Variants in CFAP74 observed in about 807,000 individuals in gnomAD.
The protein encoded by CFAP74 is cilia- and flagella-associated protein 74.
Under a neutral mutation model 188.9 loss-of-function variants are expected in CFAP74, and 124 were observed. The observed-to-expected ratio is 0.66, with a 90% CI of 0.57 to 0.76. The LOEUF (loss-of-function observed/expected upper bound fraction) is 0.76. Among genes scored for constraint, CFAP74 ranks in the 30% least tolerant of loss-of-function variants. The probability of loss-of-function intolerance (pLI) is 0.00; values close to 1 mark genes in which losing one functional copy is unlikely to be tolerated. For missense variants in CFAP74, 2,198 were observed against 2,165.2 expected (o/e 1.02, Z -0.30); for synonymous variants, 956 against 916.7 (o/e 1.04, Z -0.77).
chr1:1,930,327 C>A lies in CFAP74; in HGVS notation c.3021G>T (p.Lys1007Asn), dbSNP rs1427879021. The A allele has an allele frequency of 1.9e-5, 29 of 1,521,384 alleles. No individual in the cohort carries two copies. Among genetic ancestry groups the A allele is most frequent in the Non-Finnish European group, 2.5e-5 (28 of 1,135,868 alleles). 94.2% of individuals were successfully genotyped at this position (1,521,384 alleles called of 1,614,324 possible). Residue 1007 changes from lysine (K) to asparagine (N), a missense_variant, in exon 26 of 39, where the codon AAG becomes AAT. By Grantham distance (94) the Lys-to-Asn change is moderately conservative (BLOSUM62 0). Transcript: ENST00000682832. ...TCKSEINRCF[K>N]LSCRAVGVHP... ...GGACGCCTACAGCCCGGCAAGACAGCTTGAAGCACCTGCAAGCAGCAGCAT... is the reference window on the plus strand; with the variant it reads ...GGACGCCTACAGCCCGGCAAGACAGATTGAAGCACCTGCAAGCAGCAGCAT...
intron 26 of CFAP74, among the ~76,000 whole-genome samples, chr1:1,929,702 C>T (rs902353915): frequency 1.3e-5 from 2 of 151,822 alleles, no homozygotes; most frequent in African/African-American, 4.8e-5. Context: ...CCTTGTCCTC[C>T]CAGTCGGCCT....
In CFAP74 at chr1:1,922,462, G is replaced by A. The variant is rs1021713311; in HGVS notation, c.4819-74C>T. On this transcript the variant is annotated intron_variant, in intron 38 of 38. Transcript: ENST00000682832. ...AGAGGAGATCTGCTGTCTTCCCACT[G>A]CCCTGCCCACCTGACTCCCTTGGGT... 46 of 1,540,442 alleles carry A rather than the reference G, an allele frequency of 3.0e-5. No individual in the cohort carries two copies. The Admixed American group carries it at 8.9e-4, about 30-fold the overall frequency.
At chr1:1,994,132 G>C (rs965305929) in intron 1 of CFAP74, among the ~76,000 whole-genome samples, 11 of 148,326 alleles carry the variant, frequency 7.4e-5, no homozygotes, top group Non-Finnish European at 1.2e-4. Context: ...GCCACTGCAG[G>C]CCAGCCTGGG....
intron 18 of CFAP74, among the ~76,000 whole-genome samples, chr1:1,950,038 T>C (rs369493613): frequency 3.9e-5 from 6 of 152,254 alleles, no homozygotes; most frequent in African/African-American, 1.4e-4. Context: ...TACCTAGGAG[T>C]GGCCTTGGTG....
In CFAP74 at chr1:1,922,727, T is replaced by C. The variant is rs752028738; in HGVS notation, c.4684-4A>G. The stretch of plus-strand genomic sequence containing the variant: ...TGTCTATGCTGAACTCAACGGTCTG[T>C]GGGGTATGGGGCTCCTGTAGGCTGG... On this transcript the variant is annotated splice_region_variant and splice_polypyrimidine_tract_variant and intron_variant, in intron 37 of 38. Transcript: ENST00000682832. 2.5e-6 allele frequency: 4 copies of C among 1,601,738 alleles called. No homozygotes were observed.
intron 1 of CFAP74, among the ~76,000 whole-genome samples, chr1:1,993,223 C>T (rs1446551893): frequency 7.0e-6 from 1 of 142,044 alleles, no homozygotes; most frequent in Admixed American, 7.1e-5. Context: ...AAAAAAGAAA[C>T]AATGTTAAAA....
intron 16 of CFAP74, 88 bp downstream of exon 16, chr1:1,959,032 G>C: frequency 5.7e-6 from 5 of 874,070 alleles, no homozygotes; most frequent in South Asian, 1.5e-5. Context: ...CCGCCAACCT[G>C]CACCCCCTCC....
rs780685836 is a variant in CFAP74, at chr1:1,923,520, G to A, written c.4390-21C>T. The A allele has an allele frequency of 2.5e-6, 4 of 1,599,092 alleles. No homozygotes were observed. Among genetic ancestry groups the A allele is most frequent in the Non-Finnish European group, 3.4e-6 (4 of 1,169,208 alleles). Reference sequence around the variant, plus strand: ...ATTTTCTGGGGACAAGAAGTGGAGTGGCCTTGTCCCCGAAGCTCGGCGGCA... The same window carrying A: ...ATTTTCTGGGGACAAGAAGTGGAGTAGCCTTGTCCCCGAAGCTCGGCGGCA... On this transcript the variant is annotated intron_variant, in intron 35 of 38. Transcript: ENST00000682832. The surrounding 1 kb of genome is among the most constrained non-coding windows in gnomAD (Gnocchi z 6.3).
chr1:1,972,389 G>A (rs560318071), intron 8 of CFAP74, among the ~76,000 whole-genome samples: 5 of 152,374 alleles, frequency 3.3e-5, no homozygotes, highest in Middle Eastern at 3.4e-3. Context: ...CGCAGAGGCC[G>A]GGCCATGACG....
rs753935974 is a variant in CFAP74 at position 1,968,708 on chromosome 1, A to C, written c.1172T>G (p.Leu391Arg). ...PPTSARHRLT[L>R]RDKTWNYISD... ...AATGTAGTTCCAGGTCTTGTCCCTC[A>C]GGGTCAGCCGGTGCCTGGCACTGGT... Residue 391 changes from leucine to arginine, a missense_variant, in exon 11 of 39, where the codon CTG becomes CGG. Coordinates refer to ENST00000682832, the MANE Select transcript of CFAP74 (RefSeq NM_001304360.2). The surrounding 1 kb of genome is among the most constrained non-coding windows in gnomAD (Gnocchi z 4.3). The C allele has an allele frequency of 6.2e-7, 1 of 1,614,120 alleles. No homozygotes were observed. Among genetic ancestry groups the C allele is most frequent in the Admixed American group, 1.7e-5 (1 of 60,018 alleles).
Position 1,930,246 on chromosome 1 carries a change from G to A in CFAP74, c.3102C>T (p.Tyr1034=), listed in dbSNP as rs550200349. 53 of 1,535,726 alleles carry A rather than the reference G, an allele frequency of 3.5e-5. 1 individual carries two copies. Among genetic ancestry groups the A allele is most frequent in the South Asian group, 9.5e-5 (8 of 84,064 alleles). Reference sequence around the variant, plus strand: ...CGTACACTGTAGCCACGGAGGTGTCGTATAGGGCCGTGGCGGCAAACTTGA... The same window carrying A: ...CGTACACTGTAGCCACGGAGGTGTCATATAGGGCCGTGGCGGCAAACTTGA... The part of the protein sequence containing the change: ...YQIKFAATAL[Y]DTSVATVYVI... The change falls in exon 26 of 39, where the codon TAC becomes TAT. Residue 1034 remains tyrosine (Y), a synonymous_variant. Coordinates refer to ENST00000682832, the MANE Select transcript of CFAP74 (RefSeq NM_001304360.2).
intron 1 of CFAP74, among the ~76,000 whole-genome samples, chr1:1,993,879 G>T (rs1325209988): frequency 6.6e-6 from 1 of 151,128 alleles, no homozygotes; most frequent in Non-Finnish European, 1.5e-5. Context: ...CTACTCGGGA[G>T]GCTGAGGCAG....
chr1:1,956,863 C>G, intron 16 of CFAP74, 79 bp from the exon 17 acceptor site: 1 of 1,454,890 alleles, frequency 6.9e-7, no homozygotes, highest in Non-Finnish European at 9.4e-7. Context: ...GCACGTGGCT[C>G]CAGGCAGGGC....
At chr1:1,926,573 G>A (rs1295856697) in intron 30 of CFAP74, 61 bp from the exon 31 acceptor site, 1 of 1,547,466 alleles carries the variant, frequency 6.5e-7, no homozygotes, top group East Asian at 2.4e-5. Context: ...TCTCTGCCAG[G>A]GGTGGGCCGT....
In CFAP74 at chr1:1,928,641, C is replaced by A. The variant is rs114977376; in HGVS notation, c.3387+143G>T. 119 of 619,214 alleles carry A rather than the reference C, an allele frequency of 1.9e-4. No individual in the cohort carries two copies. The African/African-American group carries it at 2.1e-3, about 11-fold the overall frequency. The allele number at this position is 619,214 out of a possible 1,614,324, so 38.4% of individuals were successfully genotyped here. On this transcript the variant is annotated intron_variant, in intron 27 of 38. Coordinates refer to ENST00000682832, the MANE Select transcript of CFAP74 (RefSeq NM_001304360.2). ...GCAAGCTTTTTAACCTCAGATACAGCTCGACACGTGCATTGCTTGGGAAAG... is the reference window on the plus strand; with the variant it reads ...GCAAGCTTTTTAACCTCAGATACAGATCGACACGTGCATTGCTTGGGAAAG...
intron 12 of CFAP74, among the ~76,000 whole-genome samples, chr1:1,966,146 C>T (rs539464088): frequency 2.6e-5 from 4 of 152,298 alleles, no homozygotes; most frequent in East Asian, 3.9e-4. Context: ...TTGGGGTCGT[C>T]GAGCACGCGT....
intron 22 of CFAP74, 150 bp downstream of exon 22, chr1:1,941,878 C>T (rs1037771534): frequency 5.0e-6 from 4 of 799,304 alleles, no homozygotes; most frequent in Non-Finnish European, 5.2e-6. Context: ...GACTGCCCCC[C>T]AGCGTCATGG....
At chr1:1,928,688 C>T (rs894203037) in intron 27 of CFAP74, 96 bp downstream of exon 27, 17 of 867,372 alleles carry the variant, frequency 2.0e-5, no homozygotes, top group Middle Eastern at 2.2e-4. Flanking sequence ...GCTCCCGGCA[C>T]GTGGCCGGAG....
In CFAP74 at chr1:1,926,502, A is replaced by G. The variant is rs1276053493; in HGVS notation, c.3783T>C (p.Ser1261=). The G allele has an allele frequency of 1.1e-5, 17 of 1,549,972 alleles. No homozygotes were observed. Among genetic ancestry groups the G allele is most frequent in the Admixed American group, 3.9e-5 (2 of 50,978 alleles). The change falls in exon 31 of 39, where the codon AGT becomes AGC. Residue 1261 remains serine, a synonymous_variant. Transcript: ENST00000682832. ...NFGDVAVGHR[S]IKKISIQNVS... is the part of the protein sequence containing the mutation. ...CGTTCTGGATGGAGATCTTCTTGAT[A>G]CTGCGGTGCCCTGAAATGGGGCAGG...
Sources: allele counts gnomAD v4.1 joint callset (sites outside exome capture counted in the v4.1 genomes callset), GRCh38; gene constraint gnomAD v4.1.1; non-coding constraint Gnocchi (gnomAD v3.1); transcripts MANE v1.5; gene names NCBI Gene and HGNC (gene_info 2026-07-23, HGNC 2026-07-21).